The following ATRNL1 variants were observed in gnomAD, a reference collection of about 807,000 sequenced individuals.
ATRNL1 encodes the protein attractin like 1, also known as attractin-like protein 1.
Under a neutral mutation model 182.7 loss-of-function variants are expected in ATRNL1, and 95 were observed. The ratio of observed to expected loss-of-function variants is 0.52; its 90% confidence interval spans 0.44 to 0.62. The LOEUF is 0.62. ATRNL1 is among the 20% of genes least tolerant of loss of function. The pLI, the probability that ATRNL1 is intolerant of heterozygous loss-of-function variation, is 0.00. For missense variants in ATRNL1, 1,471 were observed against 1,679.5 expected, an observed-to-expected ratio of 0.88 and a Z score of 2.17; for synonymous variants, 576 against 568.3, an observed-to-expected ratio of 1.01 and a Z score of -0.19.
At chr10:115,351,104 C>A (rs527358268) in intron 19 of ATRNL1, among the ~76,000 whole-genome samples, 1 of 152,208 alleles carries the variant, frequency 6.6e-6, no homozygotes, top group East Asian at 1.9e-4. Context: ...TTGTATCCTG[C>A]AGGTCTACTG....
intron 27 of ATRNL1, among the ~76,000 whole-genome samples, chr10:115,772,071 C>T (rs551353131): frequency 6.6e-6 from 1 of 152,216 alleles, no homozygotes; most frequent in South Asian, 2.1e-4. Context: ...ATGAAAGCTG[C>T]TCCTTTGACC....
At chr10:115,094,289 G>A (rs1308575940) in intron 1 of ATRNL1, among the ~76,000 whole-genome samples, 1 of 152,128 alleles carries the variant, frequency 6.6e-6, no homozygotes, top group African/African-American at 2.4e-5. Context: ...GGCATTTCTC[G>A]AGCGTTCCAG....
intron 28 of ATRNL1, among the ~76,000 whole-genome samples, chr10:115,863,542 G>T (rs1434486621): frequency 6.6e-6 from 1 of 152,174 alleles, no homozygotes; most frequent in African/African-American, 2.4e-5. Flanking sequence ...ATACATATGA[G>T]GAAAGTGAGA....
intron 24 of ATRNL1, among the ~76,000 whole-genome samples, chr10:115,504,917 T>G (rs1051223878): frequency 6.6e-6 from 1 of 152,090 alleles, no homozygotes; most frequent in Non-Finnish European, 1.5e-5. Flanking sequence ...TTTATAGATT[T>G]ATAAAGACCT....
At chr10:115,895,640 T>C (rs1952187555) in intron 28 of ATRNL1, among the ~76,000 whole-genome samples, 1 of 152,218 alleles carries the variant, frequency 6.6e-6, no homozygotes, top group Non-Finnish European at 1.5e-5. Flanking sequence ...CACTGCTGAA[T>C]TCCAGGGATA....
intron 27 of ATRNL1, among the ~76,000 whole-genome samples, chr10:115,776,674 C>G (rs573835770): frequency 7.9e-5 from 12 of 151,794 alleles, no homozygotes; most frequent in Non-Finnish European, 1.6e-4. Flanking sequence ...AACCAGTGTC[C>G]CTGCTGACAG....
At chr10:115,115,321 TC>T (rs1459943964) in intron 1 of ATRNL1, among the ~76,000 whole-genome samples, 1 of 152,102 alleles carries the variant, frequency 6.6e-6, no homozygotes, top group African/African-American at 2.4e-5. Context: ...TCGTTGGCGT[TC>T]TATTGTACAA....
intron 24 of ATRNL1, among the ~76,000 whole-genome samples, chr10:115,509,602 TC>T (rs1554982144): frequency 6.6e-6 from 1 of 151,942 alleles, no homozygotes; most frequent in Non-Finnish European, 1.5e-5. Context: ...TACTGAGGCT[TC>T]CCCAGAAGCC....
rs144281528 is a variant in ATRNL1 at position 115,102,799 on chromosome 10, G to T, written c.293+8756G>T. ...ATTTTTATTTTTGAAAATTTACTTG[G>T]TTCATTTTGTTTTTCATATACATTT... On this transcript the variant is annotated intron_variant, in intron 1 of 28. Coordinates refer to ENST00000355044, the MANE Select transcript of ATRNL1 (RefSeq NM_207303.4). Among the ~76,000 whole-genome samples, 230 of 152,124 alleles carry T rather than the reference G, an allele frequency of 1.5e-3. 2 individuals are homozygous for T. Among genetic ancestry groups the T allele is most frequent in the African/African-American group, 5.4e-3 (224 of 41,494 alleles).
At chr10:115,600,193 C>A (rs1271803934) in intron 26 of ATRNL1, among the ~76,000 whole-genome samples, 1 of 150,794 alleles carries the variant, frequency 6.6e-6, no homozygotes, top group East Asian at 2.0e-4. Context: ...TCACCAAGTT[C>A]TATTCCAAAA....
chr10:115,332,292 G>C (rs937890463), intron 18 of ATRNL1, among the ~76,000 whole-genome samples: 11 of 152,160 alleles, frequency 7.2e-5, no homozygotes, highest in Non-Finnish European at 1.3e-4. Context: ...TTACTAGTCT[G>C]TAGTCTGGAG....
At chr10:115,881,970 A>G (rs1042005685) in intron 28 of ATRNL1, among the ~76,000 whole-genome samples, 5 of 152,158 alleles carry the variant, frequency 3.3e-5, no homozygotes, top group Non-Finnish European at 5.9e-5. Context: ...TGTCACCTGC[A>G]GATTTTTGAG....
rs533139364 is a variant in ATRNL1 at position 115,285,988 on chromosome 10, T to A, written c.2234-228T>A. 2.6e-5 allele frequency among the ~76,000 whole-genome samples: 4 copies of A among 152,160 alleles called. No homozygotes were observed. The South Asian group carries it at 8.3e-4, about 31-fold the overall frequency. On this transcript the variant is annotated intron_variant, in intron 14 of 28. Coordinates refer to ENST00000355044, the MANE Select transcript of ATRNL1 (RefSeq NM_207303.4). ...CCTAGCAGTCAACACATTTAACAGA[T>A]GTCATAGAGCCATAATTTATCTCAT... is the stretch of plus-strand genomic sequence containing the variant.
intron 20 of ATRNL1, among the ~76,000 whole-genome samples, chr10:115,408,636 C>A (rs1219577202): frequency 6.6e-5 from 10 of 151,942 alleles, no homozygotes; most frequent in Non-Finnish European, 1.3e-4. Context: ...TTCATAAAAT[C>A]TTTTCCCAGA....
At chr10:115,484,831 A>G (rs1286571117) in intron 24 of ATRNL1, among the ~76,000 whole-genome samples, 1 of 151,914 alleles carries the variant, frequency 6.6e-6, no homozygotes, top group Non-Finnish European at 1.5e-5. Flanking sequence ...AATTTGCTCT[A>G]TCTATGCTAA....
At chr10:115,919,170 T>G (rs1448597624) in intron 28 of ATRNL1, among the ~76,000 whole-genome samples, 2 of 152,090 alleles carry the variant, frequency 1.3e-5, no homozygotes, top group Non-Finnish European at 2.9e-5. Context: ...GTCAACAGAT[T>G]GTGATTATGC....
chr10:115,158,586 T>G (rs1846631584), intron 5 of ATRNL1, among the ~76,000 whole-genome samples: 1 of 151,944 alleles, frequency 6.6e-6, no homozygotes. Context: ...AGTTTGTACC[T>G]GAAAAATACA....
chr10:115,691,748 A>T (rs377195675), intron 26 of ATRNL1, among the ~76,000 whole-genome samples: 8 of 151,954 alleles, frequency 5.3e-5, no homozygotes, highest in Non-Finnish European at 8.8e-5. Flanking sequence ...TCAATCAATC[A>T]ATCTATTCAG....
At position 115,334,473 on chromosome 10, in the gene ATRNL1, A is replaced by G. The variant is rs112900527; in HGVS notation, c.3175+54A>G. 6,356 of 1,377,308 alleles carry G rather than the reference A, an allele frequency of 4.6e-3. 18 individuals carry two copies. The highest frequency in any genetic ancestry group is 5.6e-3 in the Non-Finnish European group (5,739 of 1,028,642). The allele number at this position is 1,377,308 out of a possible 1,614,324, so 85.3% of individuals were successfully genotyped here. ...TATTTTTACTAAGGAAAAGATAATTAAGAAAGCAGCGCCTGTTGTGGAGAA... is the reference window on the plus strand; with the variant it reads ...TATTTTTACTAAGGAAAAGATAATTGAGAAAGCAGCGCCTGTTGTGGAGAA... On this transcript the variant is annotated intron_variant, in intron 19 of 28. Transcript: ENST00000355044.
Sources: gnomAD v4.1 joint callset for allele counts (sites outside exome capture counted in the v4.1 genomes callset) on GRCh38, gnomAD v4.1.1 for gene constraint, MANE v1.5 for transcripts, NCBI Gene and HGNC (gene_info 2026-07-23, HGNC 2026-07-21) for gene names.